The following MYOCD variants were observed in gnomAD, a reference collection of about 807,000 sequenced individuals.
MYOCD encodes the protein myocardin.
In MYOCD, 32 loss-of-function variants were observed where a neutral mutation model predicts 96.1. The observed-to-expected ratio is 0.33, with a 90% confidence interval of 0.25 to 0.45. MYOCD has a LOEUF of 0.45. MYOCD is among the 20% of genes least tolerant of loss of function. The pLI, the probability that MYOCD is intolerant of heterozygous loss-of-function variation, is 1.00. For missense variants in MYOCD, 1,133 were observed against 1,200.6 expected (o/e 0.94, Z 0.83); for synonymous variants, 469 against 469.0 (o/e 1.00, Z 0.00).
At chr17:12,678,287 T>C (rs1910214390) in intron 1 of MYOCD, among the ~76,000 whole-genome samples, 1 of 149,722 alleles carries the variant, frequency 6.7e-6, no homozygotes, top group Non-Finnish European at 1.5e-5. Context: ...GTTTTATATA[T>C]CTATCATCAC....
In MYOCD at chr17:12,758,077, C is replaced by T. The variant is rs374154175; in HGVS notation, c.2203-8C>T. On this transcript the variant is annotated splice_polypyrimidine_tract_variant and splice_region_variant and intron_variant, in intron 11 of 13. Transcript: ENST00000425538. ...TTCAATGCCTTTCTTCATATTTTAC[C>T]CATGCAGATGGCTGGTTTACACTCT... 16 of 1,583,186 alleles carry T rather than the reference C, an allele frequency of 1.0e-5. No individual in the cohort carries two copies. The African/African-American group carries it at 1.2e-4, about 12-fold the overall frequency.
In MYOCD at chr17:12,744,294, A is replaced by G. The variant is rs758150933; in HGVS notation, c.829A>G (p.Lys277Glu). Residue 277 changes from lysine to glutamate, a missense_variant, in exon 8 of 14, where the codon AAG (lysine) becomes GAG (glutamate). Coordinates refer to ENST00000425538, the MANE Select transcript of MYOCD (RefSeq NM_001146312.3). ...CATTCCCCCAGACCAGAAGGCAGAG[A>G]AGTCCCCTCCACCTATGGACTCAGC... ...QYIPPDQKAE[K>E]SPPPMDSAYA... 1.2e-6 allele frequency: 2 copies of G among 1,614,070 alleles called. No individual in the cohort carries two copies. The highest frequency in any genetic ancestry group is 2.7e-5 in the African/African-American group (2 of 74,916).
chr17:12,722,056 G>T (rs1298055752), intron 4 of MYOCD, among the ~76,000 whole-genome samples: 2 of 152,156 alleles, frequency 1.3e-5, no homozygotes, highest in East Asian at 3.9e-4. Flanking sequence ...GGGGCTAAGG[G>T]ACTTGTCTGT....
intron 1 of MYOCD, among the ~76,000 whole-genome samples, chr17:12,676,463 A>G (rs948996110): frequency 6.6e-6 from 1 of 152,228 alleles, no homozygotes; most frequent in African/African-American, 2.4e-5. Context: ...TGGTGAGATT[A>G]TCAGTAATTT....
At chr17:12,666,763 A>C (rs1470740502) in intron 1 of MYOCD, among the ~76,000 whole-genome samples, 2 of 152,212 alleles carry the variant, frequency 1.3e-5, no homozygotes, top group Admixed American at 6.5e-5. Flanking sequence ...GTAGAAAAAA[A>C]AAGAAAGCCC....
rs760918658 is a variant in MYOCD at position 12,763,379 on chromosome 17, T to A, written c.2696T>A (p.Phe899Tyr). The change falls in exon 14 of 14, where the codon TTC becomes TAC. Residue 899 changes from phenylalanine (F) to tyrosine (Y), a missense_variant. Phe to Tyr is a conservative substitution (Grantham distance 22, BLOSUM62 3). Coordinates refer to ENST00000425538, the MANE Select transcript of MYOCD (RefSeq NM_001146312.3). ...TCTGGGAAGGCTGCAGAAGACCTCTTCAATGCACATGAGATCTTGCCAGGC... is the reference window on the plus strand; with the variant it reads ...TCTGGGAAGGCTGCAGAAGACCTCTACAATGCACATGAGATCTTGCCAGGC... ...GFSGKAAEDL[F>Y]NAHEILPGPL... is the part of the protein sequence containing the mutation. The A allele has an allele frequency of 6.2e-7, 1 of 1,601,224 alleles. No homozygotes were observed. The highest frequency in any genetic ancestry group is 1.1e-5 in the South Asian group (1 of 88,774).
chr17:12,749,951 G>C (rs187635514), intron 9 of MYOCD, among the ~76,000 whole-genome samples: 7 of 151,932 alleles, frequency 4.6e-5, no homozygotes. Context: ...CCGGGTTCAC[G>C]CCTTTCTCCT....
chr17:12,751,525 G>T (rs1223958901), intron 9 of MYOCD, among the ~76,000 whole-genome samples: 1 of 151,964 alleles, frequency 6.6e-6, no homozygotes, highest in Non-Finnish European at 1.5e-5. Flanking sequence ...AAAAATACAG[G>T]GATAAGATAA....
chr17:12,719,698 C>CAAAAAA (rs57311284), intron 4 of MYOCD, among the ~76,000 whole-genome samples: 2 of 106,312 alleles, frequency 1.9e-5, no homozygotes, highest in African/African-American at 3.8e-5. Flanking sequence ...ACTAAAAATA[C>CAAAAAA]AAAAAAAAAA....
intron 5 of MYOCD, among the ~76,000 whole-genome samples, chr17:12,725,538 T>C (rs1302936435): frequency 6.7e-6 from 1 of 148,692 alleles, no homozygotes; most frequent in Non-Finnish European, 1.5e-5. Context: ...GTATGAATTA[T>C]ATAAAGCACA....
chr17:12,729,600 G>T (rs2032106681), intron 5 of MYOCD, among the ~76,000 whole-genome samples: 1 of 151,678 alleles, frequency 6.6e-6, no homozygotes, highest in South Asian at 2.1e-4. Context: ...TTTTGAGATG[G>T]AGTTTTTGCT....
intron 1 of MYOCD, among the ~76,000 whole-genome samples, chr17:12,681,786 T>C (rs148466812): frequency 9.0e-4 from 137 of 152,310 alleles, no homozygotes; most frequent in African/African-American, 3.0e-3. Flanking sequence ...ACCTTGTTCC[T>C]TGAGACCATC....
chr17:12,681,603 A>G (rs1395309077), intron 1 of MYOCD, among the ~76,000 whole-genome samples: 1 of 152,186 alleles, frequency 6.6e-6, no homozygotes, highest in Non-Finnish European at 1.5e-5. Context: ...CCAAATGCCC[A>G]GCACTAGATG....
chr17:12,753,215 G>A lies in MYOCD; in HGVS notation c.1927G>A (p.Val643Met). Residue 643 changes from valine to methionine, a missense_variant, in exon 10 of 14, where the codon GTG (valine) becomes ATG (methionine). Val to Met is a conservative substitution (Grantham distance 21). Coordinates refer to ENST00000425538, the MANE Select transcript of MYOCD (RefSeq NM_001146312.3). ...CSPQHSPLGA[V>M]KSPQHISLPP... is the part of the protein sequence containing the mutation. Reference sequence around the variant, plus strand: ...CCCTCAGCATTCACCGCTGGGGGCTGTGAAAAGCCCACAGCACATCAGTTT... The same window carrying A: ...CCCTCAGCATTCACCGCTGGGGGCTATGAAAAGCCCACAGCACATCAGTTT... 1 of 1,614,126 alleles carries A rather than the reference G, an allele frequency of 6.2e-7. No homozygotes were observed. Among genetic ancestry groups the A allele is most frequent in the African/African-American group, 1.3e-5 (1 of 75,038 alleles).
intron 1 of MYOCD, among the ~76,000 whole-genome samples, chr17:12,701,806 C>T (rs1255981623): frequency 6.6e-6 from 1 of 152,068 alleles, no homozygotes; most frequent in African/African-American, 2.4e-5. Flanking sequence ...TAATTACTCT[C>T]ATGATTTTGT....
chr17:12,758,369 A>C, intron 12 of MYOCD, 156 bp downstream of exon 12: 1 of 1,143,420 alleles, frequency 8.7e-7, no homozygotes, highest in Non-Finnish European at 1.2e-6. Context: ...CAATAATTGG[A>C]AAACAGTGTT....
At chr17:12,719,867 C>CAAAA (rs57652662) in intron 4 of MYOCD, among the ~76,000 whole-genome samples, 1 of 82,696 alleles carries the variant, frequency 1.2e-5, no homozygotes, top group Non-Finnish European at 2.2e-5. Context: ...GACTCAGTCT[C>CAAAA]AAAAAAAAAA....
chr17:12,735,769 C>T (rs2032321760), intron 5 of MYOCD, among the ~76,000 whole-genome samples: 1 of 152,176 alleles, frequency 6.6e-6, no homozygotes, highest in South Asian at 2.1e-4. Flanking sequence ...CATCTCTCAT[C>T]GTAAAACCCG....
At chr17:12,738,659 C>T (rs2032416744) in intron 6 of MYOCD, among the ~76,000 whole-genome samples, 1 of 152,070 alleles carries the variant, frequency 6.6e-6, no homozygotes, top group Admixed American at 6.6e-5. Flanking sequence ...GAGATACACA[C>T]ACACACTTCC....
Sources: allele counts gnomAD v4.1 joint callset (sites outside exome capture counted in the v4.1 genomes callset), GRCh38; gene constraint gnomAD v4.1.1; transcripts MANE v1.5; gene names NCBI Gene and HGNC (gene_info 2026-07-23, HGNC 2026-07-21).